The following ADAMTSL1 variants were observed in gnomAD, a reference collection of about 807,000 sequenced individuals.
ADAMTSL1 encodes ADAMTS-like protein 1.
A neutral mutation model predicts 201.8 loss-of-function variants in ADAMTSL1; 126 were observed. The ratio of observed to expected loss-of-function variants is 0.62; its 90% CI spans 0.54 to 0.72. The LOEUF is 0.72. Among genes scored for constraint, ADAMTSL1 ranks in the 30% least tolerant of loss-of-function variants. The pLI, the probability that ADAMTSL1 is intolerant of heterozygous loss-of-function variation, is 0.00. For synonymous variants in ADAMTSL1, 1,121 were observed against 903.4 expected (o/e 1.24, Z -4.32); for missense variants, 2,679 against 2,277.8 (o/e 1.18, Z -3.59).
intron 2 of ADAMTSL1, among the ~76,000 whole-genome samples, chr9:18,506,124 T>C (rs1434223470): frequency 6.6e-6 from 1 of 152,238 alleles, no homozygotes; most frequent in Non-Finnish European, 1.5e-5. Context: ...TCAATGTGAT[T>C]GTATTTACCA....
intron 2 of ADAMTSL1, among the ~76,000 whole-genome samples, chr9:18,315,254 C>T (rs1364765891): frequency 6.6e-6 from 1 of 152,122 alleles, no homozygotes; most frequent in Non-Finnish European, 1.5e-5. Flanking sequence ...ATTTACAATC[C>T]TCCAGGTAGA....
At chr9:17,940,813 A>ACACAC (rs57863954) in intron 1 of ADAMTSL1, among the ~76,000 whole-genome samples, 1 of 68,258 alleles carries the variant, frequency 1.5e-5, no homozygotes, top group African/African-American at 5.2e-5. Context: ...CCCCCCCCCC[A>ACACAC]AAAAAAAGAA....
In ADAMTSL1 at chr9:18,908,594, C is replaced by T; in HGVS notation, c.*46C>T. On this transcript the variant is annotated 3_prime_UTR_variant, in exon 29 of 29. Coordinates refer to ENST00000380548, the MANE Select transcript of ADAMTSL1 (RefSeq NM_001040272.6). ...CTCTACCCTGGCCACACGAAGGACT[C>T]ACGCAACCACCTCGGACAGAACCTA... 7.0e-7 allele frequency: 1 copy of T among 1,432,074 alleles called. No individual in the cohort carries two copies. The highest frequency in any genetic ancestry group is 9.6e-7 in the Non-Finnish European group (1 of 1,043,274). 88.7% of individuals were successfully genotyped at this position (1,432,074 alleles called of 1,614,324 possible). A position where few individuals can be genotyped will look rare whatever the true frequency, so the allele number is the denominator to read the frequency against.
chr9:18,855,131 A>C (rs1228418012), intron 23 of ADAMTSL1, among the ~76,000 whole-genome samples: 1 of 152,212 alleles, frequency 6.6e-6, no homozygotes, highest in African/African-American at 2.4e-5. Context: ...TCCATTCCAC[A>C]GAGCCTCAGA....
intron 2 of ADAMTSL1, among the ~76,000 whole-genome samples, chr9:18,397,475 C>T (rs1817801996): frequency 6.6e-6 from 1 of 152,068 alleles, no homozygotes; most frequent in South Asian, 2.1e-4. Context: ...ATTAAGAGGG[C>T]TACATCATTA....
At chr9:18,348,860 A>T (rs1381535821) in intron 2 of ADAMTSL1, among the ~76,000 whole-genome samples, 6 of 152,232 alleles carry the variant, frequency 3.9e-5, no homozygotes, top group Admixed American at 3.3e-4. Context: ...GTATTATTAC[A>T]GTGATATAAA....
intron 2 of ADAMTSL1, among the ~76,000 whole-genome samples, chr9:18,302,953 C>T (rs58613156): frequency 6.6e-6 from 1 of 152,226 alleles, no homozygotes; most frequent in African/African-American, 2.4e-5. Context: ...ATGAAGGTAT[C>T]TGAAAAGCAT....
chr9:18,068,051 A>C (rs1266090770), intron 1 of ADAMTSL1, among the ~76,000 whole-genome samples: 1 of 152,134 alleles, frequency 6.6e-6, no homozygotes, highest in Non-Finnish European at 1.5e-5. Flanking sequence ...GTTAGTAATA[A>C]TAATAGCCAT....
At chr9:18,562,852 T>C (rs1698976105) in intron 3 of ADAMTSL1, among the ~76,000 whole-genome samples, 1 of 152,234 alleles carries the variant, frequency 6.6e-6, no homozygotes, top group South Asian at 2.1e-4. Context: ...TCATGCTCTG[T>C]TTATCAGCAC....
intron 4 of ADAMTSL1, among the ~76,000 whole-genome samples, chr9:18,605,543 C>A (rs547888422): frequency 6.6e-6 from 1 of 152,306 alleles, no homozygotes; most frequent in South Asian, 2.1e-4. Context: ...GTTCTGCACT[C>A]CACCTTGGGA....
rs1818199291 is a variant in ADAMTSL1, at chr9:18,406,319, CTTTTCTTTTCTTTTCTTT to C, written c.208-98508_208-98491del. On this transcript the variant is annotated intron_variant, in intron 2 of 29. Transcript: ENST00000680146. Reference sequence around the variant, plus strand: ...CTTTTCTTTTCTTTTCTTTTCTTTTCTTTTCTTTTCTTTTCTTTTCTTTTTTTGACATGGACTCTCACT... The same window carrying C: ...CTTTTCTTTTCTTTTCTTTTCTTTTCTCTTTTTTTGACATGGACTCTCACT... Among the ~76,000 whole-genome samples, 9 of 147,750 alleles carry C rather than the reference CTTTTCTTTTCTTTTCTTT, an allele frequency of 6.1e-5. 1 individual carries two copies. Among genetic ancestry groups the C allele is most frequent in the African/African-American group, 1.0e-4 (4 of 39,560 alleles).
chr9:18,737,337 A>AAAAAT (rs1818573283), intron 15 of ADAMTSL1, among the ~76,000 whole-genome samples: 2 of 150,900 alleles, frequency 1.3e-5, no homozygotes, highest in East Asian at 3.9e-4. Context: ...AAAAAAAAAA[A>AAAAAT]AAAAAAGTGA....
chr9:18,438,227 GA>G (rs34276523), intron 2 of ADAMTSL1, among the ~76,000 whole-genome samples: 45,700 of 143,852 alleles, frequency 0.32, 7,261 homozygotes, highest in Non-Finnish European at 0.35. Flanking sequence ...GAGAGATGGA[GA>G]AAAAAAAAAA....
chr9:18,309,490 T>G (rs1834032751), intron 2 of ADAMTSL1, among the ~76,000 whole-genome samples: 1 of 152,152 alleles, frequency 6.6e-6, no homozygotes, highest in South Asian at 2.1e-4. Flanking sequence ...CAGCAAAGTC[T>G]CAGGATACAA....
At chr9:18,029,576 A>C (rs1207850944) in intron 1 of ADAMTSL1, among the ~76,000 whole-genome samples, 1 of 152,168 alleles carries the variant, frequency 6.6e-6, no homozygotes, top group African/African-American at 2.4e-5. Flanking sequence ...GAGCTTCTGC[A>C]CAGCAAAAGA....
chr9:18,733,118 AC>A, intron 15 of ADAMTSL1, among the ~76,000 whole-genome samples: 1 of 152,142 alleles, frequency 6.6e-6, no homozygotes, highest in East Asian at 1.9e-4. Context: ...TCCATCCATC[AC>A]CCCATCTGTC....
intron 4 of ADAMTSL1, among the ~76,000 whole-genome samples, chr9:18,603,547 T>TATTTAGGGCAGAGGC (rs1824810656): frequency 6.6e-6 from 1 of 152,180 alleles, no homozygotes; most frequent in Non-Finnish European, 1.5e-5. Context: ...GACCAGCTGG[T>TATTTAGGGCAGAGGC]ATTTAGGGCA....
intron 1 of ADAMTSL1, among the ~76,000 whole-genome samples, chr9:18,138,283 G>T (rs1826244888): frequency 6.6e-6 from 1 of 152,106 alleles, no homozygotes; most frequent in African/African-American, 2.4e-5. Context: ...AAACCAAACT[G>T]TGTTTCAGGT....
intron 1 of ADAMTSL1, among the ~76,000 whole-genome samples, chr9:17,967,714 T>C (rs191284598): frequency 6.6e-6 from 1 of 152,276 alleles, no homozygotes; most frequent in East Asian, 1.9e-4. Flanking sequence ...CTATTTCTGA[T>C]TCATAGAGGT....
Sources: allele counts gnomAD v4.1 joint callset (sites outside exome capture counted in the v4.1 genomes callset), GRCh38; gene constraint gnomAD v4.1.1; transcripts MANE v1.5; gene names NCBI Gene and HGNC (gene_info 2026-07-23, HGNC 2026-07-21).